Variants in TRIM37 observed in about 807,000 individuals in gnomAD.
TRIM37 encodes the protein tripartite motif containing 37.
A neutral mutation model predicts 129.8 loss-of-function variants in TRIM37; 80 were observed. That is an observed-to-expected ratio of 0.62 (90% CI 0.51 to 0.74). The LOEUF (loss-of-function observed/expected upper bound fraction) is 0.74, where lower values mean the gene tolerates loss of function less well. Among genes scored for constraint, TRIM37 ranks in the 30% least tolerant of loss-of-function variants. The probability of loss-of-function intolerance (pLI) is 0.00; values close to 1 mark genes in which losing one functional copy is unlikely to be tolerated. For missense variants in TRIM37, 1,054 were observed against 1,176.5 expected, an observed-to-expected ratio of 0.90 and a Z score of 1.52; for synonymous variants, 389 against 387.1, an observed-to-expected ratio of 1.00 and a Z score of -0.06.
intron 3 of TRIM37, 27 bp from the exon 4 acceptor site, chr17:59,088,434 C>T (rs2043971077): frequency 1.6e-6 from 2 of 1,233,590 alleles, no homozygotes; most frequent in Non-Finnish European, 2.4e-6. Context: ...TACACATACA[C>T]TAATTCAGGA....
chr17:59,092,474 TATAAAAAGGTTTTAGA>T (rs2044486369), intron 2 of TRIM37, among the ~76,000 whole-genome samples: 1 of 151,834 alleles, frequency 6.6e-6, no homozygotes, highest in Non-Finnish European at 1.5e-5. Flanking sequence ...TCCTCATAAT[TATAAAAAGGTTTTAGA>T]AGAGAATAAT....
chr17:58,986,265 C>A (rs1341148112), intron 24 of TRIM37, among the ~76,000 whole-genome samples: 1 of 151,008 alleles, frequency 6.6e-6, no homozygotes, highest in Non-Finnish European at 1.5e-5. Flanking sequence ...GTGACGTGAT[C>A]TTGGCTCACC....
Position 58,999,009 on chromosome 17 carries a change from C to T in TRIM37, c.*368G>A. 1 of 1,120,090 alleles carries T rather than the reference C, an allele frequency of 8.9e-7. No homozygotes were observed. Among genetic ancestry groups the T allele is most frequent in the Non-Finnish European group, 1.1e-6 (1 of 909,828 alleles). 69.4% of individuals were successfully genotyped at this position (1,120,090 alleles called of 1,614,324 possible). ...TAAGCTCTAGCCAAAGACAGTAGAG[C>T]ACCAATGCCGGGCGGGTTACTGACG... On this transcript the variant is annotated 3_prime_UTR_variant, in exon 24 of 24. Coordinates refer to ENST00000262294, the MANE Select transcript of TRIM37 (RefSeq NM_015294.6).
intron 9 of TRIM37, among the ~76,000 whole-genome samples, chr17:59,066,863 T>C (rs1030786692): frequency 1.3e-5 from 2 of 152,212 alleles, no homozygotes; most frequent in African/African-American, 4.8e-5. Flanking sequence ...CAAAGAGCTC[T>C]GTATTATGCT....
Position 59,049,314 on chromosome 17 carries a change from T to C in TRIM37, c.1394A>G (p.Asp465Gly), listed in dbSNP as rs992207825. 4.3e-6 allele frequency: 7 copies of C among 1,614,060 alleles called. No individual in the cohort carries two copies. The highest frequency in any genetic ancestry group is 3.3e-5 in the Admixed American group (2 of 59,996). ...CTTAGCTCGTGTCTCCAGAGCATCATCATTTTGGGGGCTAAGATGGTTATC... is the reference window on the plus strand; with the variant it reads ...CTTAGCTCGTGTCTCCAGAGCATCACCATTTTGGGGGCTAAGATGGTTATC... ...PPDNHLSPQNDDALETRAKKS... is the reference protein window; with the variant it reads ...PPDNHLSPQNGDALETRAKKS... The change falls in exon 15 of 24, where the codon GAT (aspartate) becomes GGT (glycine). Residue 465 changes from aspartate (D) to glycine (G), a missense_variant. Around this residue, in one of 3 missense-constraint regions of TRIM37, gnomAD observed 752 missense variants for 870.8 expected, o/e 0.86. Coordinates refer to ENST00000262294, the MANE Select transcript of TRIM37 (RefSeq NM_015294.6).
intron 9 of TRIM37, 136 bp downstream of exon 9, chr17:59,070,687 G>A: frequency 1.0e-6 from 1 of 976,902 alleles, no homozygotes; most frequent in Non-Finnish European, 1.5e-6. Context: ...GACCAGCCTG[G>A]GCAACAAGTG....
intron 4 of TRIM37, among the ~76,000 whole-genome samples, chr17:59,085,464 C>A (rs1449144849): frequency 6.6e-6 from 1 of 152,098 alleles, no homozygotes; most frequent in Admixed American, 6.6e-5. Flanking sequence ...ATGCTCATTA[C>A]TACTAATCAC....
At chr17:59,026,653 CA>C (rs1423703019) in intron 19 of TRIM37, among the ~76,000 whole-genome samples, 1 of 152,184 alleles carries the variant, frequency 6.6e-6, no homozygotes, top group Non-Finnish European at 1.5e-5. Flanking sequence ...CCCCTGCCAA[CA>C]AGAAACTATT....
intron 21 of TRIM37, among the ~76,000 whole-genome samples, chr17:59,014,512 T>A (rs1162062306): frequency 6.6e-6 from 1 of 152,132 alleles, no homozygotes; most frequent in Non-Finnish European, 1.5e-5. Flanking sequence ...ATAAACGTGT[T>A]AACTACTATA....
chr17:59,021,159 A>C (rs1287883356), intron 19 of TRIM37, among the ~76,000 whole-genome samples: 3 of 152,158 alleles, frequency 2.0e-5, no homozygotes, highest in Admixed American at 6.5e-5. Flanking sequence ...TGTAAGCCCG[A>C]CTCAAGTGGA....
intron 20 of TRIM37, 43 bp downstream of exon 20, chr17:59,017,253 T>C (rs2036061566): frequency 6.2e-7 from 1 of 1,608,406 alleles, no homozygotes. Context: ...AGGTAATAAA[T>C]ATTTACCCCA....
At position 59,028,494 on chromosome 17, in the gene TRIM37, A is replaced by T. The variant is rs778645198; in HGVS notation, c.2178T>A (p.Thr726=). 1 of 1,614,222 alleles carries T rather than the reference A, an allele frequency of 6.2e-7. No homozygotes were observed. Among genetic ancestry groups the T allele is most frequent in the Non-Finnish European group, 8.5e-7 (1 of 1,180,046 alleles). ...AATCCTGCAATCTGCCAGAGTTTTC[A>T]GTTCCACATGCAGCCAGAGCTGCCT... ...ADQAALAACG[T]ENSGRLQDLG... is the part of the protein sequence containing the mutation. Residue 726 remains threonine, a synonymous_variant, in exon 19 of 24, where the codon ACT becomes ACA. Coordinates refer to ENST00000262294, the MANE Select transcript of TRIM37 (RefSeq NM_015294.6).
intron 12 of TRIM37, among the ~76,000 whole-genome samples, chr17:59,060,339 T>A (rs2041369168): frequency 6.6e-6 from 1 of 152,094 alleles, no homozygotes; most frequent in East Asian, 1.9e-4. Flanking sequence ...GTCTTTTTTT[T>A]TTTTTGGTTG....
intron 4 of TRIM37, among the ~76,000 whole-genome samples, chr17:59,087,458 CTT>C (rs56956832): frequency 1.5e-5 from 2 of 130,822 alleles, no homozygotes; most frequent in Admixed American, 7.9e-5. Context: ...AAGCCTCTTT[CTT>C]TTTTTTTTTT....
the TRIM37 span, among the ~76,000 whole-genome samples, chr17:58,976,079 G>A: frequency 2.4e-4 from 36 of 152,160 alleles, no homozygotes; most frequent in Non-Finnish European, 4.6e-4. Context: ...ATTCAGGAAA[G>A]GGTTCCTTTT....
chr17:59,018,456 C>G (rs561904299), intron 19 of TRIM37, among the ~76,000 whole-genome samples: 1 of 152,158 alleles, frequency 6.6e-6, no homozygotes, highest in Non-Finnish European at 1.5e-5. Flanking sequence ...TTTCTCTGCA[C>G]TAGCAGACAA....
intron 16 of TRIM37, among the ~76,000 whole-genome samples, chr17:59,045,050 G>A (rs963137904): frequency 1.3e-5 from 2 of 152,038 alleles, no homozygotes; most frequent in African/African-American, 2.4e-5. Context: ...AAAATTGCTG[G>A]GTGCCGTGGC....
intron 17 of TRIM37, among the ~76,000 whole-genome samples, chr17:59,035,208 C>A (rs985576702): frequency 6.6e-6 from 1 of 151,752 alleles, no homozygotes; most frequent in African/African-American, 2.4e-5. Flanking sequence ...TACAAGCGTG[C>A]GCCATTGCAC....
rs929536364 is a variant in TRIM37, at chr17:59,036,483, T to TGTGTGTGTGC, written c.1754-4394_1754-4393insGCACACACAC. On this transcript the variant is annotated intron_variant, in intron 17 of 23. Coordinates refer to ENST00000262294, the MANE Select transcript of TRIM37 (RefSeq NM_015294.6). ...GTGTGTGTGTGTGTGTGTGTGTGTG[T>TGTGTGTGTGC]GCACGCGTGTGTTTTAAGAGACAGG... Among the ~76,000 whole-genome samples the TGTGTGTGTGC allele has an allele frequency of 1.5e-4, 22 of 148,988 alleles. 1 individual carries two copies. Among genetic ancestry groups the TGTGTGTGTGC allele is most frequent in the African/African-American group, 5.5e-4 (22 of 40,358 alleles).
Sources: gnomAD v4.1 joint callset for allele counts (sites outside exome capture counted in the v4.1 genomes callset) on GRCh38, gnomAD v4.1.1 for gene constraint, gnomAD v4.1.1 regional missense constraint, MANE v1.5 for transcripts, NCBI Gene and HGNC (gene_info 2026-07-23, HGNC 2026-07-21) for gene names.